AFG2A: variants seen among roughly 807,000 people sequenced by gnomAD.
AFG2A encodes the protein AAA ATPase AFG2A, also known as ATPase family gene 2 protein homolog A.
the AFG2A span, among the ~76,000 whole-genome samples, chr4:123,115,484 C>T: frequency 1.3e-4 from 20 of 152,222 alleles, no homozygotes; most frequent in African/African-American, 4.8e-4. Flanking sequence ...AGTACGGCCC[C>T]ACTGTGCGTT....
At chr4:123,129,313 A>C in the AFG2A span, among the ~76,000 whole-genome samples, 1 of 152,322 alleles carries the variant, frequency 6.6e-6, no homozygotes, top group Admixed American at 6.5e-5. Context: ...GGTCAACAAG[A>C]ATTAGGAGAT....
the AFG2A span, among the ~76,000 whole-genome samples, chr4:122,923,773 A>T: frequency 6.6e-6 from 1 of 152,178 alleles, no homozygotes; most frequent in Non-Finnish European, 1.5e-5. Context: ...ACTGCACACT[A>T]GTGTTAGCAG....
At chr4:123,207,548 C>G in the AFG2A span, among the ~76,000 whole-genome samples, 3 of 152,112 alleles carry the variant, frequency 2.0e-5, no homozygotes, top group Non-Finnish European at 2.9e-5. Flanking sequence ...TGGTCTCGAA[C>G]TCCTGGACTC....
the AFG2A span, among the ~76,000 whole-genome samples, chr4:123,246,785 G>A: frequency 3.6e-3 from 545 of 152,116 alleles, 4 homozygotes; most frequent in African/African-American, 0.013. Context: ...AAACCTTTTC[G>A]CCTCCCAGGA....
chr4:123,222,960 T>G, the AFG2A span, among the ~76,000 whole-genome samples: 3 of 152,216 alleles, frequency 2.0e-5, no homozygotes, highest in Non-Finnish European at 2.9e-5. Flanking sequence ...TTAAGTTGTT[T>G]CCACATCTTG....
the AFG2A span, chr4:122,928,900 AT>A: frequency 4.9e-6 from 5 of 1,019,982 alleles, no homozygotes; most frequent in African/African-American, 1.7e-5. Flanking sequence ...TGCAATTGGT[AT>A]CAGATTGTAA....
chr4:123,157,484 T>A, the AFG2A span, among the ~76,000 whole-genome samples: 1 of 152,304 alleles, frequency 6.6e-6, no homozygotes. Flanking sequence ...GCATTCATGT[T>A]TTATCTCCCA....
chr4:123,102,740 A>C, the AFG2A span, among the ~76,000 whole-genome samples: 1 of 150,952 alleles, frequency 6.6e-6, no homozygotes, highest in African/African-American at 2.4e-5. Flanking sequence ...TTGGTGGCTA[A>C]TTTTAAAGTA....
chr4:123,136,927 A>G, the AFG2A span, among the ~76,000 whole-genome samples: 1 of 152,058 alleles, frequency 6.6e-6, no homozygotes, highest in African/African-American at 2.4e-5. Flanking sequence ...GTGGTCCCCA[A>G]CCTTTTTGGC....
At chr4:123,124,205 A>G in the AFG2A span, among the ~76,000 whole-genome samples, 1 of 152,170 alleles carries the variant, frequency 6.6e-6, no homozygotes, top group Non-Finnish European at 1.5e-5. Context: ...TTATTGCAGC[A>G]CTGTTCACAA....
the AFG2A span, among the ~76,000 whole-genome samples, chr4:123,206,930 C>G: frequency 6.6e-6 from 1 of 152,108 alleles, no homozygotes; most frequent in Non-Finnish European, 1.5e-5. Context: ...TCTTGCTTCT[C>G]TCATGGAATC....
chr4:123,200,505 C>T, the AFG2A span, among the ~76,000 whole-genome samples: 3 of 152,126 alleles, frequency 2.0e-5, no homozygotes, highest in African/African-American at 4.8e-5. Flanking sequence ...TGATGGCATA[C>T]GCAATCTGTT....
At chr4:123,097,361 TA>T in the AFG2A span, among the ~76,000 whole-genome samples, 10 of 147,292 alleles carry the variant, frequency 6.8e-5, no homozygotes, top group Admixed American at 1.4e-4. Flanking sequence ...AAGTCAGAAC[TA>T]AAAAAAAAAA....
At chr4:123,028,431 T>C in the AFG2A span, 1 of 1,574,154 alleles carries the variant, frequency 6.4e-7, no homozygotes, top group Admixed American at 1.7e-5. Context: ...TACTCTCTCT[T>C]GGCCTCCCCC....
chr4:123,132,597 C>CATATATATATATATATATATATATAT, the AFG2A span, among the ~76,000 whole-genome samples: 51 of 140,378 alleles, frequency 3.6e-4, no homozygotes, highest in African/African-American at 1.3e-3. Flanking sequence ...GATGTGTGTA[C>CATATATATATATATATATATATATAT]ATATATATAT....
At chr4:123,126,417 C>T in the AFG2A span, among the ~76,000 whole-genome samples, 3 of 152,106 alleles carry the variant, frequency 2.0e-5, no homozygotes, top group South Asian at 6.2e-4. Flanking sequence ...TCTAATAGTT[C>T]ATGTGTTCCA....
chr4:123,162,275 A>G, the AFG2A span, among the ~76,000 whole-genome samples: 3 of 152,366 alleles, frequency 2.0e-5, no homozygotes, highest in South Asian at 4.1e-4. Context: ...CTTCAAATAC[A>G]TGCAAGGAAA....
the AFG2A span, among the ~76,000 whole-genome samples, chr4:123,248,316 T>C: frequency 1.3e-5 from 2 of 151,552 alleles, no homozygotes; most frequent in Non-Finnish European, 3.0e-5. Flanking sequence ...ATACTACTGC[T>C]TATTTTATTA....
At chr4:123,140,913 G>A in the AFG2A span, among the ~76,000 whole-genome samples, 41 of 152,022 alleles carry the variant, frequency 2.7e-4, no homozygotes, top group Non-Finnish European at 4.6e-4. Context: ...AAAAATGCTC[G>A]TGTCATTTTA....
Sources: allele counts gnomAD v4.1 joint callset (sites outside exome capture counted in the v4.1 genomes callset), GRCh38; gene constraint gnomAD v4.1.1; transcripts MANE v1.5; gene names NCBI Gene and HGNC (gene_info 2026-07-23, HGNC 2026-07-21).